ANKRD11: variants seen among roughly 807,000 people sequenced by gnomAD.
ANKRD11 encodes ankyrin repeat domain 11, also known as ankyrin repeat domain-containing protein 11.
A neutral mutation model predicts 195.7 loss-of-function variants in ANKRD11; 17 were observed. The observed-to-expected ratio is 0.09, with a 90% CI of 0.06 to 0.13. The LOEUF (loss-of-function observed/expected upper bound fraction) is 0.13, where lower values mean the gene tolerates loss of function less well. Among genes scored for constraint, ANKRD11 ranks in the 10% least tolerant of loss-of-function variants. ANKRD11 has a pLI of 1.00. For synonymous variants in ANKRD11, 1,953 were observed against 1,528.1 expected (o/e 1.28, Z -6.49); for missense variants, 3,735 against 3,566.1 (o/e 1.05, Z -1.21).
At chr16:89,479,939 T>C (rs1426183001) in intron 1 of ANKRD11, among the ~76,000 whole-genome samples, 1 of 121,960 alleles carries the variant, frequency 8.2e-6, no homozygotes, top group African/African-American at 3.2e-5. Context: ...CGAGACTCCA[T>C]CTCAAAAAAA....
At chr16:89,460,415 C>T (rs552514477) in intron 1 of ANKRD11, among the ~76,000 whole-genome samples, 9 of 150,916 alleles carry the variant, frequency 6.0e-5, no homozygotes, top group East Asian at 3.9e-4. Flanking sequence ...AAAAATTAGC[C>T]GGGCGTGGTG....
At chr16:89,304,951 C>G in intron 4 of ANKRD11, 1 of 560,676 alleles carries the variant, frequency 1.8e-6, no homozygotes, top group Non-Finnish European at 3.1e-6. Flanking sequence ...GGACATGCAC[C>G]GGGTGCATCT....
chr16:89,369,394 G>A (rs1221076034), intron 2 of ANKRD11, among the ~76,000 whole-genome samples: 2 of 152,220 alleles, frequency 1.3e-5, no homozygotes, highest in Non-Finnish European at 2.9e-5. Flanking sequence ...CCCTGCCACA[G>A]GGAGGGCTGT....
intron 1 of ANKRD11, among the ~76,000 whole-genome samples, chr16:89,453,487 C>G (rs1372919452): frequency 6.6e-6 from 1 of 152,146 alleles, no homozygotes; most frequent in Non-Finnish European, 1.5e-5. Flanking sequence ...TATTACAAGC[C>G]AAACCACGTT....
intron 2 of ANKRD11, among the ~76,000 whole-genome samples, chr16:89,414,063 A>T (rs550535852): frequency 1.3e-5 from 2 of 152,136 alleles, no homozygotes; most frequent in Non-Finnish European, 2.9e-5. Flanking sequence ...CACACCCTCC[A>T]GGATGCCACA....
chr16:89,376,073 T>A (rs2040411180), intron 2 of ANKRD11, among the ~76,000 whole-genome samples: 1 of 152,198 alleles, frequency 6.6e-6, no homozygotes, highest in Non-Finnish European at 1.5e-5. Flanking sequence ...GCAACAGGCT[T>A]GAAAATTTTT....
intron 2 of ANKRD11, among the ~76,000 whole-genome samples, chr16:89,329,995 A>AAAAAC (rs2037959934): frequency 6.8e-6 from 1 of 146,212 alleles, no homozygotes; most frequent in East Asian, 2.0e-4. Context: ...ACCTTGTCTC[A>AAAAAC]AAAATAAAAT....
At chr16:89,425,064 C>CTT (rs2042663590) in intron 1 of ANKRD11, among the ~76,000 whole-genome samples, 1 of 149,704 alleles carries the variant, frequency 6.7e-6, no homozygotes, top group Non-Finnish European at 1.5e-5. Flanking sequence ...TACAACAAAA[C>CTT]ACAAGCTCAA....
chr16:89,360,201 T>A (rs2039673273), intron 2 of ANKRD11, among the ~76,000 whole-genome samples: 3 of 152,238 alleles, frequency 2.0e-5, no homozygotes, highest in Admixed American at 1.3e-4. Flanking sequence ...GCTAATAGCC[T>A]CCAGCTCCAT....
intron 1 of ANKRD11, among the ~76,000 whole-genome samples, chr16:89,485,679 AAC>A (rs2057590043): frequency 6.6e-6 from 1 of 152,204 alleles, no homozygotes; most frequent in African/African-American, 2.4e-5. Flanking sequence ...CCAATTACAT[AAC>A]AGTTTCATTT....
At chr16:89,324,751 T>C (rs1035479646) in intron 2 of ANKRD11, 27 of 314,804 alleles carry the variant, frequency 8.6e-5, no homozygotes, top group African/African-American at 4.4e-4. Context: ...CCAGGGGTTC[T>C]TGGGCCTTCG....
chr16:89,366,129 C>CAAAAAAAAAAAAAAA (rs71387689), intron 2 of ANKRD11, among the ~76,000 whole-genome samples: 1 of 60,458 alleles, frequency 1.7e-5, no homozygotes, highest in Admixed American at 1.6e-4. Flanking sequence ...GACTCCATCT[C>CAAAAAAAAAAAAAAA]AAAAAAAAAA....
At chr16:89,313,181 T>C in intron 3 of ANKRD11, 6 of 916,800 alleles carry the variant, frequency 6.5e-6, no homozygotes, top group Non-Finnish European at 8.8e-6. Context: ...CAAGTGAAGC[T>C]CAGGGGGCTG....
intron 2 of ANKRD11, among the ~76,000 whole-genome samples, chr16:89,399,822 G>T (rs1567751708): frequency 6.6e-6 from 1 of 152,004 alleles, no homozygotes; most frequent in Non-Finnish European, 1.5e-5. Flanking sequence ...TTTTTAAAGT[G>T]ACCATCCTGT....
intron 2 of ANKRD11, chr16:89,323,663 C>A: frequency 3.2e-6 from 1 of 316,748 alleles, no homozygotes; most frequent in Non-Finnish European, 6.1e-6. Flanking sequence ...CTCCCGCACA[C>A]CGCCTGACAG....
At chr16:89,379,601 C>G (rs2040560517) in intron 2 of ANKRD11, among the ~76,000 whole-genome samples, 1 of 152,234 alleles carries the variant, frequency 6.6e-6, no homozygotes, top group South Asian at 2.1e-4. Context: ...GCCTCAGCCT[C>G]CTGGCTCCAA....
At chr16:89,470,800 T>C (rs1172465395) in intron 1 of ANKRD11, among the ~76,000 whole-genome samples, 3 of 151,258 alleles carry the variant, frequency 2.0e-5, no homozygotes, top group African/African-American at 7.3e-5. Flanking sequence ...CTATCCTGGC[T>C]AACACGGTGA....
In ANKRD11 at chr16:89,291,080, G is replaced by C. The variant is rs142575773; in HGVS notation, c.330C>G (p.Pro110=). ...MGLSGIRAGY[P]LSERQQVALL... is the part of the protein sequence containing the mutation. ...GGGCCACCTGCTGGCGCTCGGAGAG[G>C]GGGTAGCCGGCTCGGATTCCAGACA... Residue 110 remains proline (P), a synonymous_variant, in exon 5 of 13, where the codon CCC becomes CCG. Coordinates refer to ENST00000301030, the MANE Select transcript of ANKRD11 (RefSeq NM_013275.6). The surrounding 1 kb of genome is among the most constrained non-coding windows in gnomAD (Gnocchi z 5.3). 1.2e-6 allele frequency: 2 copies of C among 1,613,680 alleles called. No homozygotes were observed. The highest frequency in any genetic ancestry group is 1.1e-5 in the South Asian group (1 of 91,076).
intron 1 of ANKRD11, among the ~76,000 whole-genome samples, chr16:89,461,036 G>A (rs1277350003): frequency 3.3e-5 from 4 of 120,274 alleles, no homozygotes; most frequent in African/African-American, 6.5e-5. Context: ...GACAAATATC[G>A]TATGACCACC....
Sources: gnomAD v4.1 joint callset for allele counts (sites outside exome capture counted in the v4.1 genomes callset) on GRCh38, gnomAD v4.1.1 for gene constraint, Gnocchi (gnomAD v3.1) non-coding constraint, MANE v1.5 for transcripts, NCBI Gene and HGNC (gene_info 2026-07-23, HGNC 2026-07-21) for gene names.